VTI1A: variants seen among roughly 807,000 people sequenced by gnomAD.
The protein encoded by VTI1A is vesicle transport through interaction with t-SNAREs homolog 1A.
In VTI1A, 22 loss-of-function variants were observed where a neutral mutation model predicts 34.9. The ratio of observed to expected loss-of-function variants is 0.63; its 90% confidence interval spans 0.45 to 0.90. The LOEUF is 0.90. Ranked by LOEUF, VTI1A falls within the 40% of genes least tolerant of loss-of-function variation. The pLI is 0.00. For missense variants in VTI1A, 268 were observed against 275.6 expected (o/e 0.97, Z 0.20); for synonymous variants, 87 against 97.3 (o/e 0.89, Z 0.62).
rs185514185 is a variant in VTI1A at position 112,720,330 on chromosome 10, T to C, written c.560+51332T>C. Among the ~76,000 whole-genome samples, 175 of 152,344 alleles carry C rather than the reference T, an allele frequency of 1.1e-3. 1 individual carries two copies. The highest frequency in any genetic ancestry group is 3.8e-3 in the African/African-American group (159 of 41,584). On this transcript the variant is annotated intron_variant, in intron 7 of 7. Transcript: ENST00000393077. ...CACTGTTTCCCAGTCCCACCAGCAA[T>C]GAATAAGTGTTCCAATTTCTTCACC...
rs1024412006 is a variant in VTI1A, at chr10:112,815,764, TC to T, written c.*382del. 5 of 276,116 alleles carry T rather than the reference TC, an allele frequency of 1.8e-5. No individual in the cohort carries two copies. The highest frequency in any genetic ancestry group is 3.5e-5 in the Non-Finnish European group (5 of 144,286). The allele number at this position is 276,116 out of a possible 1,614,324, so 17.1% of individuals were successfully genotyped here. A position where few individuals can be genotyped will look rare whatever the true frequency, so the allele number is the denominator to read the frequency against. On this transcript the variant is annotated 3_prime_UTR_variant, in exon 8 of 8. Transcript: ENST00000393077. Reference sequence around the variant, plus strand: ...CGAGAGCTTCTGTTTGTCACCCGCCTCTTGTTGCTGAAAAGCTCTTCTGTGA... The same window carrying T: ...CGAGAGCTTCTGTTTGTCACCCGCCTTTGTTGCTGAAAAGCTCTTCTGTGA...
At chr10:112,681,184 T>C (rs7896164) in intron 7 of VTI1A, among the ~76,000 whole-genome samples, 57,132 of 151,384 alleles carry the variant, frequency 0.38, 11,207 homozygotes, top group East Asian at 0.58. Context: ...CAAGTGATCC[T>C]TCCACCTCCA....
At chr10:112,636,027 A>T (rs1846340756) in intron 5 of VTI1A, among the ~76,000 whole-genome samples, 1 of 152,234 alleles carries the variant, frequency 6.6e-6, no homozygotes, top group Admixed American at 6.5e-5. Context: ...GAATGTAGGA[A>T]AGAAATACAA....
At chr10:112,520,922 T>A (rs1210421948) in intron 3 of VTI1A, among the ~76,000 whole-genome samples, 2 of 151,960 alleles carry the variant, frequency 1.3e-5, no homozygotes, top group Non-Finnish European at 2.9e-5. Flanking sequence ...TAAAGAACAA[T>A]GGATTATTTT....
At chr10:112,736,777 C>T in intron 7 of VTI1A, 1 of 1,516,682 alleles carries the variant, frequency 6.6e-7, no homozygotes, top group Non-Finnish European at 9.0e-7. Flanking sequence ...AGGCTTGAAC[C>T]AGAACCAGCC....
At chr10:112,701,848 A>G (rs1256956041) in intron 7 of VTI1A, among the ~76,000 whole-genome samples, 1 of 152,220 alleles carries the variant, frequency 6.6e-6, no homozygotes, top group African/African-American at 2.4e-5. Flanking sequence ...GAGATTCTAG[A>G]AGTATTACAT....
chr10:112,503,592 A>C (rs1389144607), intron 3 of VTI1A, among the ~76,000 whole-genome samples: 2 of 152,142 alleles, frequency 1.3e-5, no homozygotes, highest in African/African-American at 4.8e-5. Context: ...CGTTAAATAA[A>C]TTTTCTAAGT....
At chr10:112,508,519 CAAGGG>C (rs1849506885) in intron 3 of VTI1A, among the ~76,000 whole-genome samples, 1 of 152,162 alleles carries the variant, frequency 6.6e-6, no homozygotes, top group East Asian at 1.9e-4. Context: ...GTGATGACTT[CAAGGG>C]AACCTGTTAA....
chr10:112,785,232 G>A (rs1409874855), intron 7 of VTI1A, among the ~76,000 whole-genome samples: 2 of 152,196 alleles, frequency 1.3e-5, no homozygotes, highest in Admixed American at 1.3e-4. Context: ...TGGGAGCAAG[G>A]GGCTCACTGG....
At chr10:112,798,059 C>CCAAAGCTTCCT (rs1564929671) in intron 7 of VTI1A, among the ~76,000 whole-genome samples, 2 of 11,596 alleles carry the variant, frequency 1.7e-4, no homozygotes, top group Non-Finnish European at 1.2e-3. Flanking sequence ...AAACACCAGG[C>CCAAAGCTTCCT]TCCAAAGCTT....
intron 7 of VTI1A, among the ~76,000 whole-genome samples, chr10:112,673,163 C>CA (rs889288648): frequency 1.3e-5 from 2 of 151,312 alleles, no homozygotes; most frequent in South Asian, 2.1e-4. Context: ...CTAAAAAATA[C>CA]AAAAAAAATT....
At chr10:112,724,795 A>C (rs1052714078) in intron 7 of VTI1A, among the ~76,000 whole-genome samples, 6 of 151,632 alleles carry the variant, frequency 4.0e-5, no homozygotes, top group Non-Finnish European at 7.4e-5. Context: ...TGAAAAAAAA[A>C]AAAAGAAAAA....
intron 5 of VTI1A, among the ~76,000 whole-genome samples, chr10:112,663,304 C>T (rs756368948): frequency 2.6e-5 from 4 of 152,182 alleles, no homozygotes; most frequent in Admixed American, 6.5e-5. Context: ...TGCCCTATAT[C>T]GAAGTTGGTA....
At chr10:112,591,547 A>G (rs1191491188) in intron 5 of VTI1A, among the ~76,000 whole-genome samples, 1 of 138,690 alleles carries the variant, frequency 7.2e-6, no homozygotes, top group Non-Finnish European at 1.6e-5. Flanking sequence ...CAAAACGAAG[A>G]AGAGATACTT....
intron 5 of VTI1A, 115 bp from the exon 6 acceptor site, chr10:112,668,103 T>A: frequency 1.4e-6 from 1 of 697,948 alleles, no homozygotes; most frequent in South Asian, 1.8e-5. Flanking sequence ...AATATGTGTC[T>A]GATGTATAAT....
downstream of VTI1A, chr10:112,823,482 A>G (rs1853691221): frequency 6.6e-6 from 1 of 152,148 alleles, no homozygotes; most frequent in African/African-American, 2.4e-5. Flanking sequence ...ACGGGGAGGA[A>G]ATGGAGCAGC....
At chr10:112,823,740 T>C (rs1260656287), downstream of VTI1A, 1 of 152,158 alleles carries the variant, frequency 6.6e-6, no homozygotes, top group Non-Finnish European at 1.5e-5. Context: ...AACTCCTTTG[T>C]GAGGGGAGAT....
At chr10:112,610,552 A>G (rs1340907292) in intron 5 of VTI1A, among the ~76,000 whole-genome samples, 2 of 152,240 alleles carry the variant, frequency 1.3e-5, no homozygotes, top group Non-Finnish European at 2.9e-5. Flanking sequence ...AGAAAAAATA[A>G]ATCTGTGTAC....
chr10:112,582,015 T>A (rs1409456798), intron 5 of VTI1A, among the ~76,000 whole-genome samples: 1 of 152,220 alleles, frequency 6.6e-6, no homozygotes, highest in Non-Finnish European at 1.5e-5. Flanking sequence ...TGCTAATTTC[T>A]GTCTTAGTCA....
Sources: gnomAD v4.1 joint callset for allele counts (sites outside exome capture counted in the v4.1 genomes callset) on GRCh38, gnomAD v4.1.1 for gene constraint, MANE v1.5 for transcripts, NCBI Gene and HGNC (gene_info 2026-07-23, HGNC 2026-07-21) for gene names.